The following NAV3 variants were observed in gnomAD, a reference collection of about 807,000 sequenced individuals.
The protein encoded by NAV3 is neuron navigator 3.
In NAV3, 87 loss-of-function variants were observed where a neutral mutation model predicts 244.7. The observed-to-expected ratio is 0.36, with a 90% CI of 0.30 to 0.42. NAV3 has a LOEUF of 0.42. NAV3 is among the 20% of genes least tolerant of loss of function. The pLI is 1.00. For synonymous variants in NAV3, 1,126 were observed against 1,042.2 expected (o/e 1.08, Z -1.55); for missense variants, 2,663 against 2,893.3 (o/e 0.92, Z 1.83).
At chr12:78,143,321 T>C (rs1357211073) in intron 20 of NAV3, 10 of 453,100 alleles carry the variant, frequency 2.2e-5, no homozygotes, top group Non-Finnish European at 4.0e-5. Flanking sequence ...GGCAAACTTA[T>C]GGTTTTTGTG....
chr12:77,990,228 A>C (rs1871218108), intron 5 of NAV3, among the ~76,000 whole-genome samples: 1 of 152,186 alleles, frequency 6.6e-6, no homozygotes, highest in South Asian at 2.1e-4. Context: ...TCAGTCTCAA[A>C]TTCACCTCCC....
intron 1 of NAV3, among the ~76,000 whole-genome samples, chr12:77,898,359 T>C (rs980113430): frequency 1.3e-5 from 2 of 152,090 alleles, no homozygotes; most frequent in Admixed American, 1.3e-4. Flanking sequence ...TCCTACTATA[T>C]TTACAATAAG....
At chr12:77,896,669 T>C (rs988463242) in intron 1 of NAV3, among the ~76,000 whole-genome samples, 1 of 152,210 alleles carries the variant, frequency 6.6e-6, no homozygotes, top group African/African-American at 2.4e-5. Context: ...AGGGATTTAC[T>C]TAGCAGTGAA....
At chr12:77,607,307 C>A (rs1870713353) in intron 2 of NAV3, among the ~76,000 whole-genome samples, 2 of 152,186 alleles carry the variant, frequency 1.3e-5, no homozygotes, top group East Asian at 3.9e-4. Flanking sequence ...CTACCCTAGA[C>A]CCTACCGGGC....
At chr12:77,821,086 C>T (rs949419608) in intron 2 of NAV3, among the ~76,000 whole-genome samples, 18 of 61,686 alleles carry the variant, frequency 2.9e-4, no homozygotes, top group East Asian at 6.6e-4. Context: ...CACACATGTT[C>T]GCACAAACAC....
intron 1 of NAV3, among the ~76,000 whole-genome samples, chr12:77,860,539 T>C (rs1168843337): frequency 1.3e-5 from 2 of 151,796 alleles, no homozygotes; most frequent in Admixed American, 6.6e-5. Context: ...CTTTTCATAT[T>C]TGATTTAGAA....
intron 12 of NAV3, among the ~76,000 whole-genome samples, chr12:78,111,355 C>T (rs954145561): frequency 6.6e-6 from 1 of 151,770 alleles, no homozygotes; most frequent in African/African-American, 2.4e-5. Flanking sequence ...TATGTTAATG[C>T]CATATAGAAT....
chr12:77,901,615 C>T (rs1449534640), intron 1 of NAV3, among the ~76,000 whole-genome samples: 1 of 152,150 alleles, frequency 6.6e-6, no homozygotes, highest in Non-Finnish European at 1.5e-5. Context: ...GAGGCTGAGG[C>T]ACGAGAATCA....
Position 77,761,519 on chromosome 12 carries a change from A to G in NAV3, c.73-178800A>G, listed in dbSNP as rs577476236. Among the ~76,000 whole-genome samples the G allele has an allele frequency of 8.4e-4, 128 of 152,356 alleles. No homozygotes were observed. The Middle Eastern group carries it at 0.017, about 20-fold the overall frequency. ...TACAGAGTGGGAGAAAATTTTCGCAATCTATCCATCTGACAAAGGATAATA... is the reference window on the plus strand; with the variant it reads ...TACAGAGTGGGAGAAAATTTTCGCAGTCTATCCATCTGACAAAGGATAATA... On this transcript the variant is annotated intron_variant, in intron 2 of 8. Coordinates refer to the NAV3 transcript ENST00000550042.
intron 1 of NAV3, among the ~76,000 whole-genome samples, chr12:77,834,886 A>T (rs1335114895): frequency 2.0e-5 from 3 of 152,120 alleles, no homozygotes; most frequent in Non-Finnish European, 4.4e-5. Context: ...TTTTGGGAAA[A>T]AAAAAAAAAC....
At chr12:77,947,700 TCTTTA>T (rs1053372256) in intron 3 of NAV3, 13 of 152,096 alleles carry the variant, frequency 8.5e-5, no homozygotes, top group African/African-American at 2.9e-4. Flanking sequence ...TAAATGAAAA[TCTTTA>T]CTTTGTATTT....
chr12:78,207,768 G>A (rs1320580054), intron 39 of NAV3, among the ~76,000 whole-genome samples: 1 of 152,168 alleles, frequency 6.6e-6, no homozygotes, highest in African/African-American at 2.4e-5. Context: ...GTTTATCATT[G>A]CAGGAAGTTA....
At chr12:77,840,106 G>T (rs1235635293) in intron 1 of NAV3, among the ~76,000 whole-genome samples, 3 of 151,918 alleles carry the variant, frequency 2.0e-5, no homozygotes, top group African/African-American at 7.3e-5. Context: ...GAATGAATTT[G>T]ATTTAGTCAA....
rs2139804679 is a variant in NAV3, at chr12:78,185,647, C to T, written c.5739C>T (p.Gly1913=). 1.2e-6 allele frequency: 2 copies of T among 1,608,424 alleles called. No individual in the cohort carries two copies. The highest frequency in any genetic ancestry group is 2.2e-5 in the East Asian group (1 of 44,650). ...DAGDATGHKD[G]RSVKIIVSIS... is the part of the protein sequence containing the mutation. ...GTGATGCAACTGGACATAAAGATGG[C>T]CGCAGTGTGAAAATTATAGTCTCCA... The change falls in exon 31 of 40, where the codon GGC becomes GGT. Residue 1913 remains glycine, a synonymous_variant. Coordinates refer to ENST00000397909, the MANE Select transcript of NAV3 (RefSeq NM_001024383.2).
intron 1 of NAV3, among the ~76,000 whole-genome samples, chr12:77,854,087 C>CA (rs1473535916): frequency 2.6e-5 from 4 of 152,142 alleles, no homozygotes; most frequent in Non-Finnish European, 5.9e-5. Flanking sequence ...TAAAGGCTTT[C>CA]AACTATTCCA....
At chr12:77,751,525 C>A (rs1044802090) in intron 2 of NAV3, among the ~76,000 whole-genome samples, 1 of 152,078 alleles carries the variant, frequency 6.6e-6, no homozygotes, top group Non-Finnish European at 1.5e-5. Context: ...GGACTTTTCC[C>A]CCTTTTACTC....
At chr12:78,117,879 G>C in intron 13 of NAV3, 148 bp from the exon 14 acceptor site, 1 of 770,006 alleles carries the variant, frequency 1.3e-6, no homozygotes, top group Non-Finnish European at 1.9e-6. Context: ...TGGGAATTAT[G>C]TGGCTAAAAT....
chr12:77,866,423 C>G (rs780404154), intron 1 of NAV3, among the ~76,000 whole-genome samples: 7 of 152,134 alleles, frequency 4.6e-5, no homozygotes, highest in Non-Finnish European at 7.4e-5. Context: ...ACTCCAGAGG[C>G]CCCCTGGTCT....
chr12:78,074,782 A>G (rs1360179597), intron 12 of NAV3, among the ~76,000 whole-genome samples: 1 of 152,202 alleles, frequency 6.6e-6, no homozygotes, highest in Non-Finnish European at 1.5e-5. Context: ...GGCATTTGGT[A>G]TTCTACTAAT....
Sources: allele counts gnomAD v4.1 joint callset (sites outside exome capture counted in the v4.1 genomes callset), GRCh38; gene constraint gnomAD v4.1.1; transcripts MANE v1.5; gene names NCBI Gene and HGNC (gene_info 2026-07-23, HGNC 2026-07-21).